Variants in MAP3K12 observed in about 807,000 individuals in gnomAD.
MAP3K12 encodes MAPK-upstream kinase.
In MAP3K12, 14 loss-of-function variants were observed where a neutral mutation model predicts 87.5. That is an observed-to-expected ratio of 0.16 (90% CI 0.11 to 0.25). The LOEUF is 0.25. Ranked by LOEUF, MAP3K12 falls within the 10% of genes least tolerant of loss-of-function variation. The pLI is 1.00. For missense variants in MAP3K12, 802 were observed against 1,140.4 expected (o/e 0.70, Z 4.27); for synonymous variants, 469 against 452.5 (o/e 1.04, Z -0.46).
intron 6 of MAP3K12, chr12:53,484,667 G>C (rs1050979374): frequency 2.2e-6 from 1 of 451,050 alleles, no homozygotes; most frequent in African/African-American, 2.0e-5. Context: ...TGACAGATTA[G>C]CAATCGTCAA....
chr12:53,491,154 G>A (rs1473841706), intron 1 of MAP3K12, among the ~76,000 whole-genome samples: 1 of 151,418 alleles, frequency 6.6e-6, no homozygotes, highest in African/African-American at 2.4e-5. Context: ...CAGGTGGGGC[G>A]GCGGTCGCCT....
rs1395841426 is a variant in MAP3K12, at chr12:53,483,002, G to A, written c.1801C>T (p.Pro601Ser). The A allele has an allele frequency of 1.9e-6, 3 of 1,571,296 alleles. No homozygotes were observed. Among genetic ancestry groups the A allele is most frequent in the Admixed American group, 3.7e-5 (2 of 53,588 alleles). The change falls in exon 11 of 14, where the codon CCC becomes TCC. Residue 601 changes from proline (P) to serine (S), a missense_variant. By Grantham distance (74) the Pro-to-Ser change is moderately conservative. Coordinates refer to ENST00000547488, the MANE Select transcript of MAP3K12 (RefSeq NM_001193511.2). Reference sequence around the variant, plus strand: ...CTTCCTGGTCCTCCAGGTTCATGGGGTGGCACAGCTGTACGAAGCCCAGGC... The same window carrying A: ...CTTCCTGGTCCTCCAGGTTCATGGGATGGCACAGCTGTACGAAGCCCAGGC... ...DLPGLRTAVP[P>S]HEPGGPGSPG...
chr12:53,493,449 G>A (rs1394857238), intron 1 of MAP3K12, among the ~76,000 whole-genome samples: 2 of 152,142 alleles, frequency 1.3e-5, no homozygotes, highest in Non-Finnish European at 1.5e-5. Context: ...GGGAAGGAAA[G>A]CAGGAAATGA....
In MAP3K12 at chr12:53,484,372, G is replaced by A. The variant is rs1427613351; in HGVS notation, c.1140-7C>T. 1.2e-6 allele frequency: 2 copies of A among 1,610,558 alleles called. No individual in the cohort carries two copies. The highest frequency in any genetic ancestry group is 1.7e-4 in the Middle Eastern group (1 of 6,046). Reference sequence around the variant, plus strand: ...ATTTCGTGGTTTGCTATTCCTGAAAGGAATGGAGTTAGGAAGGAGAGGGGA... The same window carrying A: ...ATTTCGTGGTTTGCTATTCCTGAAAAGAATGGAGTTAGGAAGGAGAGGGGA... On this transcript the variant is annotated splice_region_variant and splice_polypyrimidine_tract_variant and intron_variant, in intron 6 of 13. Transcript: ENST00000547488.
Position 53,486,665 on chromosome 12 carries a change from A to G in MAP3K12, c.446-43T>C, listed in dbSNP as rs753089731. 3.3e-6 allele frequency: 5 copies of G among 1,527,086 alleles called. No homozygotes were observed. Among genetic ancestry groups the G allele is most frequent in the African/African-American group, 1.4e-5 (1 of 72,332 alleles). The allele number at this position is 1,527,086 out of a possible 1,614,324, so 94.6% of individuals were successfully genotyped here. A position where few individuals can be genotyped will look rare whatever the true frequency, so the allele number is the denominator to read the frequency against. ...AGTGCCACAAGCCTCAGAAAGAGCC[A>G]CACTCAAGGCCAGGGACAGGATAGC... is the stretch of plus-strand genomic sequence containing the variant. On this transcript the variant is annotated intron_variant, in intron 2 of 13. Transcript: ENST00000547488. The surrounding 1 kb of genome is among the most constrained non-coding windows in gnomAD (Gnocchi z 4.9).
At chr12:53,492,284 G>A (rs908023508) in intron 1 of MAP3K12, among the ~76,000 whole-genome samples, 5 of 152,076 alleles carry the variant, frequency 3.3e-5, no homozygotes, top group Non-Finnish European at 7.4e-5. Flanking sequence ...CAATGTAGTC[G>A]GGCGTCTGGC....
rs1228872869 is a variant in MAP3K12, at chr12:53,481,174, A to T, written c.*8T>A. The T allele has an allele frequency of 6.8e-7, 1 of 1,471,842 alleles. No individual in the cohort carries two copies. The highest frequency in any genetic ancestry group is 9.1e-7 in the Non-Finnish European group (1 of 1,100,508). 91.2% of individuals were successfully genotyped at this position (1,471,842 alleles called of 1,614,324 possible). ...TATTTCTCTATGTACAAGGAATACG[A>T]GTGGCTTTCATGGAGGGAGGGAAGC... On this transcript the variant is annotated 3_prime_UTR_variant, in exon 14 of 14. Transcript: ENST00000547488.
At chr12:53,498,908 C>CTGTGTGTGTGTG (rs71068135) in intron 1 of MAP3K12, among the ~76,000 whole-genome samples, 6 of 108,438 alleles carry the variant, frequency 5.5e-5, no homozygotes, top group African/African-American at 1.9e-4. Context: ...GTCCAGCCTG[C>CTGTGTGTGTGTG]TGTGTGTGTG....
chr12:53,491,437 GTT>G (rs1182105996), intron 1 of MAP3K12, among the ~76,000 whole-genome samples: 3 of 143,144 alleles, frequency 2.1e-5, no homozygotes, highest in Non-Finnish European at 3.1e-5. Context: ...AGGCATAGAG[GTT>G]TTTTTTTTTT....
At chr12:53,501,505 GCCGTGCGGAGGGAGTAGCGGCGCGGCC>G, upstream of MAP3K12, 1 of 1,552,558 alleles carries the variant, frequency 6.4e-7, no homozygotes, top group Non-Finnish European at 8.7e-7. Flanking sequence ...AAAGCGTGGG[GCCGTGCGGAGGGAGTAGCGGCGCGGCC>G]CCAGCATGCA....
intron 1 of MAP3K12, among the ~76,000 whole-genome samples, chr12:53,497,842 G>A (rs990378039): frequency 3.3e-5 from 5 of 152,156 alleles, no homozygotes; most frequent in Admixed American, 6.5e-5. Context: ...GCAGGGGAGA[G>A]GGAGGACTGT....
chr12:53,488,642 CAA>C (rs1235674235), intron 1 of MAP3K12, among the ~76,000 whole-genome samples: 2 of 151,728 alleles, frequency 1.3e-5, no homozygotes, highest in Non-Finnish European at 2.9e-5. Context: ...GCCTGGGCAA[CAA>C]GAGCGAAACT....
rs1454900879 is a variant in MAP3K12, at chr12:53,482,817, A to G, written c.1986T>C (p.Ala662=). The change falls in exon 11 of 14, where the codon GCT becomes GCC. Residue 662 remains alanine (A), a synonymous_variant. Coordinates refer to ENST00000547488, the MANE Select transcript of MAP3K12 (RefSeq NM_001193511.2). ...CCGGAGGTGGTGAGCCAGGATCCCC[A>G]GCTCCGCCTGTGGCCCCCCGGCCCC... is the stretch of plus-strand genomic sequence containing the variant. The part of the protein sequence containing the change: ...GSRGRGATGG[A]GDPGSPPPAR... 6.2e-7 allele frequency: 1 copy of G among 1,611,032 alleles called. No homozygotes were observed. The highest frequency in any genetic ancestry group is 2.2e-5 in the East Asian group (1 of 44,842).
At chr12:53,498,641 T>TTGTGGGAAAGGGAGGA (rs1418261912) in intron 1 of MAP3K12, among the ~76,000 whole-genome samples, 2 of 151,902 alleles carry the variant, frequency 1.3e-5, no homozygotes, top group Non-Finnish European at 2.9e-5. Context: ...TGAGGAGTGT[T>TTGTGGGAAAGGGAGGA]TGTGGGAAAG....
chr12:53,482,338 C>G lies in MAP3K12; in HGVS notation c.2270G>C (p.Gly757Ala). 1 of 1,614,118 alleles carries G rather than the reference C, an allele frequency of 6.2e-7. No homozygotes were observed. Residue 757 changes from glycine to alanine, a missense_variant, in exon 12 of 14, where the codon GGA (glycine) becomes GCA (alanine). Physicochemically the swap from Gly to Ala is moderately conservative, Grantham distance 60 (BLOSUM62 0). Transcript: ENST00000547488. ...KRGISSEEEE[G>A]EVDSEVELTS... ...CAGCTCTACTTCACTGTCTACCTCT[C>G]CTTCCTCCTCTTCCGATGAGATGCC... is the stretch of plus-strand genomic sequence containing the variant.
rs1278383761 is a variant in MAP3K12 at position 53,482,317 on chromosome 12, T to C, written c.2291A>G (p.Glu764Gly). 3 of 1,614,108 alleles carry C rather than the reference T, an allele frequency of 1.9e-6. No individual in the cohort carries two copies. Among genetic ancestry groups the C allele is most frequent in the Admixed American group, 1.7e-5 (1 of 60,026 alleles). ...CACTTACCTCTGGCTTGATGTCAGCTCTACTTCACTGTCTACCTCTCCTTC... is the reference window on the plus strand; with the variant it reads ...CACTTACCTCTGGCTTGATGTCAGCCCTACTTCACTGTCTACCTCTCCTTC... ...EEEGEVDSEV[E>G]LTSSQRWPQS... Residue 764 changes from glutamate to glycine, a missense_variant, in exon 12 of 14, where the codon GAG (glutamate) becomes GGG (glycine). Around this residue, in one of 5 missense-constraint regions of MAP3K12, gnomAD observed 490 missense variants for 496.6 expected, o/e 0.99. Transcript: ENST00000547488.
At chr12:53,484,439 C>G in intron 6 of MAP3K12, 74 bp from the exon 7 acceptor site, 1 of 1,069,368 alleles carries the variant, frequency 9.4e-7, no homozygotes, top group Non-Finnish European at 1.4e-6. Context: ...GCATCCTTTC[C>G]CAAAGTGTGT....
chr12:53,491,284 T>C (rs1202333508), intron 1 of MAP3K12, among the ~76,000 whole-genome samples: 30 of 2,652 alleles, frequency 0.011, no homozygotes, highest in Non-Finnish European at 0.023. Context: ...TGAGACTCTG[T>C]CTCAAAAAAA....
rs546772119 is a variant in MAP3K12 at position 53,496,479 on chromosome 12, C to T, written c.-38+2948G>A. Among the ~76,000 whole-genome samples, 9 of 152,240 alleles carry T rather than the reference C, an allele frequency of 5.9e-5. 1 individual carries two copies. The highest frequency in any genetic ancestry group is 3.3e-4 in the Admixed American group (5 of 15,292). On this transcript the variant is annotated intron_variant, in intron 1 of 13. Transcript: ENST00000547488. The stretch of plus-strand genomic sequence containing the variant: ...CCCTCAGCCTTACCCATGGAGGCCT[C>T]GGGGAAGGGGAGGGCAAGAGCAGGG...
Sources: gnomAD v4.1 joint callset for allele counts (sites outside exome capture counted in the v4.1 genomes callset) on GRCh38, gnomAD v4.1.1 for gene constraint, gnomAD v4.1.1 regional missense constraint, Gnocchi (gnomAD v3.1) non-coding constraint, MANE v1.5 for transcripts, NCBI Gene and HGNC (gene_info 2026-07-23, HGNC 2026-07-21) for gene names.